Variants in ZNF184 observed in about 807,000 individuals in gnomAD.
The protein encoded by ZNF184 is zinc finger protein 184 (Kruppel-like).
Under a neutral mutation model 54.4 loss-of-function variants are expected in ZNF184, and 16 were observed. That is an observed-to-expected ratio of 0.29 (90% CI 0.20 to 0.45). The LOEUF (loss-of-function observed/expected upper bound fraction) is 0.45. Among genes scored for constraint, ZNF184 ranks in the 20% least tolerant of loss-of-function variants. The pLI is 1.00. For synonymous variants in ZNF184, 254 were observed against 295.3 expected (o/e 0.86, Z 1.43); for missense variants, 681 against 888.2 (o/e 0.77, Z 2.97).
At chr6:27,410,478 C>T in the ZNF184 span, among the ~76,000 whole-genome samples, 1 of 152,174 alleles carries the variant, frequency 6.6e-6, no homozygotes, top group Admixed American at 6.5e-5. Flanking sequence ...TACATGATGG[C>T]AGCCTTTAGT....
chr6:27,440,835 C>G, the ZNF184 span, among the ~76,000 whole-genome samples: 10 of 151,934 alleles, frequency 6.6e-5, no homozygotes, highest in Non-Finnish European at 1.3e-4. Context: ...AACCCCGTCT[C>G]TAATAAAAAA....
chr6:27,467,354 G>A (rs1383596635), intron 3 of ZNF184, among the ~76,000 whole-genome samples: 2 of 152,146 alleles, frequency 1.3e-5, no homozygotes, highest in African/African-American at 4.8e-5. Context: ...CCAGCACTTT[G>A]GGAGGCCAAA....
the ZNF184 span, among the ~76,000 whole-genome samples, chr6:27,428,646 G>C: frequency 6.6e-6 from 1 of 152,210 alleles, no homozygotes; most frequent in African/African-American, 2.4e-5. The surrounding 1 kb of genome is among the most constrained non-coding windows in gnomAD (Gnocchi z 4.1). Context: ...AATTAGGTAT[G>C]TGAAACTAAA....
At position 27,451,761 on chromosome 6, in the gene ZNF184, G is replaced by GT; in HGVS notation, c.1797dup (p.His600ThrfsTer6). 1 of 1,614,048 alleles carries GT rather than the reference G, an allele frequency of 6.2e-7. No individual in the cohort carries two copies. The highest frequency in any genetic ancestry group is 8.5e-7 in the Non-Finnish European group (1 of 1,179,978). On this transcript the variant is annotated frameshift_variant, in exon 6 of 6. Transcript: ENST00000683788. LOFTEE classifies it low-confidence loss of function (END_TRUNC). Reference sequence around the variant, plus strand: ...TGAATTCTCTTATGCTGTGTAAGGTGTATGTTCTGGTTGAATGCTCTCCCA... The same window carrying GT: ...TGAATTCTCTTATGCTGTGTAAGGTGTTATGTTCTGGTTGAATGCTCTCCCA...
At position 27,452,803 on chromosome 6, in the gene ZNF184, A is replaced by T. The variant is rs2113711846; in HGVS notation, c.756T>A (p.Cys252Ter). The part of the protein sequence containing the change: ...RTHTGEKPYK[C>*]NECEKAFSRS... ...GGCTGAAGGCTTTTTCACATTCATTACATTTGTAGGGTTTTTCTCCAGTAT... is the reference window on the plus strand; with the variant it reads ...GGCTGAAGGCTTTTTCACATTCATTTCATTTGTAGGGTTTTTCTCCAGTAT... The change falls in exon 6 of 6, where the codon TGT becomes TGA. Residue 252 changes from cysteine (C) to a stop codon, truncating the protein, a stop_gained. Transcript: ENST00000683788. LOFTEE classifies it high-confidence loss of function. This position sits in a 1 kb window ranked among gnomAD's most constrained non-coding sequence, Gnocchi z 5.5. 1.2e-6 allele frequency: 2 copies of T among 1,613,446 alleles called. No homozygotes were observed. The highest frequency in any genetic ancestry group is 1.7e-6 in the Non-Finnish European group (2 of 1,179,852).
Position 27,451,046 on chromosome 6 carries a change from C to A in ZNF184, c.*257G>T. On this transcript the variant is annotated 3_prime_UTR_variant, in exon 6 of 6. Transcript: ENST00000683788. ...AACTGATTATAAAACTCCAAACTACCTTTGAAATAATCTACTCCAAATCCT... is the reference window on the plus strand; with the variant it reads ...AACTGATTATAAAACTCCAAACTACATTTGAAATAATCTACTCCAAATCCT... 2.7e-6 allele frequency: 1 copy of A among 371,054 alleles called. No individual in the cohort carries two copies. Among genetic ancestry groups the A allele is most frequent in the Non-Finnish European group, 4.8e-6 (1 of 209,026 alleles). The allele number at this position is 371,054 out of a possible 1,614,324, so 23.0% of individuals were successfully genotyped here. A position where few individuals can be genotyped will look rare whatever the true frequency, so the allele number is the denominator to read the frequency against.
rs1424783781 is a variant in ZNF184 at position 27,451,578 on chromosome 6, G to T, written c.1981C>A (p.Gln661Lys). ...GGCTTCTCCCCAGTGTGAATTCGTT[G>T]ATGCTGAGTTAGATGGGAGCTCTGG... is the stretch of plus-strand genomic sequence containing the variant. ...FSQSSHLTQHQRIHTGEKPYK... is the reference protein window; with the variant it reads ...FSQSSHLTQHKRIHTGEKPYK... Residue 661 changes from glutamine to lysine, a missense_variant, in exon 6 of 6, where the codon CAA (glutamine) becomes AAA (lysine). Coordinates refer to ENST00000683788, the MANE Select transcript of ZNF184 (RefSeq NM_001318891.2). 1 of 1,614,132 alleles carries T rather than the reference G, an allele frequency of 6.2e-7. No homozygotes were observed. Among genetic ancestry groups the T allele is most frequent in the Non-Finnish European group, 8.5e-7 (1 of 1,180,012 alleles).
In ZNF184 at chr6:27,472,850, CAGA is replaced by C. The variant is rs1763312851; in HGVS notation, c.-264_-262del. 1 of 152,566 alleles carries C rather than the reference CAGA, an allele frequency of 6.6e-6. No individual in the cohort carries two copies. Among genetic ancestry groups the C allele is most frequent in the African/African-American group, 2.4e-5 (1 of 41,482 alleles). The allele number at this position is 152,566 out of a possible 1,614,324, so 9.5% of individuals were successfully genotyped here. A position where few individuals can be genotyped will look rare whatever the true frequency, so the allele number is the denominator to read the frequency against. On this transcript the variant is annotated 5_prime_UTR_variant, in exon 1 of 6. Transcript: ENST00000683788. This position sits in a 1 kb window ranked among gnomAD's most constrained non-coding sequence, Gnocchi z 4.8. Reference sequence around the variant, plus strand: ...GGGATCAGGGCGGGACCGCCCCGCACAGAAGGAGGCGAGGTGCGCCCCCTTCGA... The same window carrying C: ...GGGATCAGGGCGGGACCGCCCCGCACAGGAGGCGAGGTGCGCCCCCTTCGA...
chr6:27,426,825 G>A, the ZNF184 span, among the ~76,000 whole-genome samples: 1 of 152,006 alleles, frequency 6.6e-6, no homozygotes, highest in African/African-American at 2.4e-5. This position sits in a 1 kb window ranked among gnomAD's most constrained non-coding sequence, Gnocchi z 4.2. Flanking sequence ...ACTCAATTAT[G>A]TCCTATCTTA....
At chr6:27,432,200 C>T in the ZNF184 span, among the ~76,000 whole-genome samples, 282 of 152,094 alleles carry the variant, frequency 1.9e-3, 1 homozygote, top group African/African-American at 6.4e-3. The surrounding 1 kb of genome is among the most constrained non-coding windows in gnomAD (Gnocchi z 4.0). Context: ...TGAAAGCTGT[C>T]GGCAGTCAAC....
the ZNF184 span, among the ~76,000 whole-genome samples, chr6:27,422,148 A>AAAAG: frequency 0.075 from 3,228 of 42,832 alleles, 225 homozygotes; most frequent in East Asian, 0.12. Flanking sequence ...CTCAAAAAAA[A>AAAAG]AAAGAAAGAA....
chr6:27,434,100 A>G, the ZNF184 span, among the ~76,000 whole-genome samples: 1 of 152,028 alleles, frequency 6.6e-6, no homozygotes, highest in Non-Finnish European at 1.5e-5. Context: ...AGCTCACTGC[A>G]GCCTCAGTCT....
rs61736959 is a variant in ZNF184 at position 27,457,404 on chromosome 6, C to G, written c.81G>C (p.Ala27=). 45 of 1,613,582 alleles carry G rather than the reference C, an allele frequency of 2.8e-5. No individual in the cohort carries two copies. The highest frequency in any genetic ancestry group is 3.3e-4 in the Middle Eastern group (2 of 6,060). The change falls in exon 4 of 6, where the codon GCG becomes GCC. Residue 27 remains alanine (A), a synonymous_variant. Transcript: ENST00000683788. ...CCACTATCACATCCTTGAAAGTCAC[C>G]GCTTCCTGAAATACCAAACATATTT... ...NLLSSASFQE[A]VTFKDVIVDF...
chr6:27,440,998 C>CT, the ZNF184 span, among the ~76,000 whole-genome samples: 5 of 151,740 alleles, frequency 3.3e-5, no homozygotes, highest in African/African-American at 9.7e-5. Context: ...GAGCAAGACT[C>CT]TGTCTCAAAA....
At position 27,453,315 on chromosome 6, in the gene ZNF184, A is replaced by G. The variant is rs937575783; in HGVS notation, c.299-55T>C. On this transcript the variant is annotated intron_variant, in intron 5 of 5. Transcript: ENST00000683788. The surrounding 1 kb of genome is among the most constrained non-coding windows in gnomAD (Gnocchi z 4.7). ...CTGAATAGAGAAAAAATAAACTGCT[A>G]TTGTGGGAATAATATAATGATACTG... The G allele has an allele frequency of 1.1e-5, 16 of 1,463,862 alleles. 1 individual carries two copies. In the African/African-American group the frequency reaches 2.3e-4, roughly 21 times the overall value. 90.7% of individuals were successfully genotyped at this position (1,463,862 alleles called of 1,614,324 possible). A position where few individuals can be genotyped will look rare whatever the true frequency, so the allele number is the denominator to read the frequency against.
chr6:27,447,995 G>A (rs1344506461), downstream of ZNF184, among the ~76,000 whole-genome samples: 2 of 152,204 alleles, frequency 1.3e-5, no homozygotes, highest in Non-Finnish European at 1.5e-5. Context: ...GGGTGAAATA[G>A]CATTACTGGA....
the ZNF184 span, among the ~76,000 whole-genome samples, chr6:27,432,979 C>T: frequency 6.6e-6 from 1 of 152,140 alleles, no homozygotes; most frequent in Admixed American, 6.5e-5. The surrounding 1 kb of genome is among the most constrained non-coding windows in gnomAD (Gnocchi z 4.0). Flanking sequence ...ATCTTTTGGC[C>T]TATGGCAAAA....
At chr6:27,447,239 G>T (rs1762648080), downstream of ZNF184, among the ~76,000 whole-genome samples, 1 of 152,008 alleles carries the variant, frequency 6.6e-6, no homozygotes, top group Non-Finnish European at 1.5e-5. Context: ...CTTTGGAGTT[G>T]GTGCTGGAAT....
chr6:27,411,531 G>A, the ZNF184 span, among the ~76,000 whole-genome samples: 1 of 152,188 alleles, frequency 6.6e-6, no homozygotes, highest in African/African-American at 2.4e-5. Flanking sequence ...TGAACACAAA[G>A]CATAATGTAG....
Sources: allele counts gnomAD v4.1 joint callset (sites outside exome capture counted in the v4.1 genomes callset), GRCh38; gene constraint gnomAD v4.1.1; non-coding constraint Gnocchi (gnomAD v3.1); transcripts MANE v1.5; gene names NCBI Gene and HGNC (gene_info 2026-07-23, HGNC 2026-07-21).